The following ARL14EPL variants were observed in gnomAD, a reference collection of about 807,000 sequenced individuals.
The protein encoded by ARL14EPL is ARF like GTPase 14 effector protein like.
In ARL14EPL, 17 loss-of-function variants were observed where a neutral mutation model predicts 15.9. The observed-to-expected ratio is 1.07, with a 90% confidence interval of 0.73 to 1.60. The LOEUF (loss-of-function observed/expected upper bound fraction) is 1.60. ARL14EPL is among the 40% of genes most tolerant of loss of function. The pLI is 0.00. For synonymous variants in ARL14EPL, 78 were observed against 63.8 expected (o/e 1.22, Z -1.06); for missense variants, 214 against 185.9 (o/e 1.15, Z -0.88).
intron 1 of ARL14EPL, among the ~76,000 whole-genome samples, chr5:116,041,583 T>C (rs1262183134): frequency 6.6e-6 from 1 of 152,164 alleles, no homozygotes; most frequent in Non-Finnish European, 1.5e-5. Context: ...ATGATGCTCA[T>C]TAGAGTCTAT....
chr5:116,048,824 G>C (rs1442506633), intron 1 of ARL14EPL, among the ~76,000 whole-genome samples: 1 of 152,130 alleles, frequency 6.6e-6, no homozygotes, highest in African/African-American at 2.4e-5. Context: ...TATTGGCAGA[G>C]AGGAGTCATT....
intron 3 of ARL14EPL, among the ~76,000 whole-genome samples, chr5:116,056,118 G>A (rs2112682242): frequency 6.6e-6 from 1 of 152,098 alleles, no homozygotes; most frequent in East Asian, 1.9e-4. Flanking sequence ...ACATGTGCAT[G>A]TGTCTTTATA....
chr5:116,054,833 A>T (rs935089843), intron 3 of ARL14EPL, among the ~76,000 whole-genome samples: 4 of 151,818 alleles, frequency 2.6e-5, no homozygotes, highest in East Asian at 1.9e-4. Context: ...TCCATCTCAA[A>T]AAATAAATAA....
chr5:116,053,217 T>C (rs1268569005), intron 2 of ARL14EPL, among the ~76,000 whole-genome samples: 3 of 151,984 alleles, frequency 2.0e-5, no homozygotes, highest in South Asian at 2.1e-4. Flanking sequence ...CCAAGCATGG[T>C]GGTGCGTGCC....
At chr5:116,033,737 T>C (rs1354067376) in intron 1 of ARL14EPL, among the ~76,000 whole-genome samples, 3 of 152,200 alleles carry the variant, frequency 2.0e-5, no homozygotes, top group Non-Finnish European at 4.4e-5. Context: ...TAGTACAAAC[T>C]CTTTCTACCC....
At chr5:116,047,260 C>T (rs998453651) in intron 1 of ARL14EPL, among the ~76,000 whole-genome samples, 6 of 152,154 alleles carry the variant, frequency 3.9e-5, no homozygotes, top group African/African-American at 1.2e-4. Flanking sequence ...TTGAGTGTTG[C>T]GTTTCTGAAG....
chr5:116,050,460 C>T (rs1749348479), intron 1 of ARL14EPL, among the ~76,000 whole-genome samples: 2 of 152,178 alleles, frequency 1.3e-5, no homozygotes, highest in African/African-American at 4.8e-5. Flanking sequence ...TTCCTTGGTG[C>T]ATACTTACAC....
At chr5:116,034,920 G>C (rs1335490148) in intron 1 of ARL14EPL, among the ~76,000 whole-genome samples, 4 of 152,164 alleles carry the variant, frequency 2.6e-5, no homozygotes, top group Non-Finnish European at 5.9e-5. Flanking sequence ...CTCAAAACGG[G>C]GGAATAATGG....
chr5:116,048,030 G>A (rs1430038301), intron 1 of ARL14EPL, among the ~76,000 whole-genome samples: 1 of 152,188 alleles, frequency 6.6e-6, no homozygotes, highest in Non-Finnish European at 1.5e-5. Flanking sequence ...TAATGAAGCG[G>A]TTGATTTCTA....
chr5:116,035,592 C>A (rs1347392351), intron 1 of ARL14EPL, among the ~76,000 whole-genome samples: 1 of 152,144 alleles, frequency 6.6e-6, no homozygotes, highest in Admixed American at 6.5e-5. Flanking sequence ...AAACAGCTAG[C>A]ACTTCTAGGG....
intron 1 of ARL14EPL, among the ~76,000 whole-genome samples, chr5:116,033,088 C>A (rs1347727220): frequency 1.3e-5 from 2 of 152,124 alleles, no homozygotes; most frequent in African/African-American, 4.8e-5. Flanking sequence ...TGTGAGCCCC[C>A]ACACCCGGCC....
At chr5:116,052,958 C>G (rs1257568689) in intron 2 of ARL14EPL, among the ~76,000 whole-genome samples, 1 of 152,162 alleles carries the variant, frequency 6.6e-6, no homozygotes, top group East Asian at 1.9e-4. Flanking sequence ...TACATGTTCA[C>G]AATAAGTTAT....
intron 1 of ARL14EPL, among the ~76,000 whole-genome samples, chr5:116,040,896 G>A (rs867248026): frequency 1.3e-4 from 19 of 147,364 alleles, no homozygotes; most frequent in Admixed American, 6.8e-4. Flanking sequence ...CAGGAGAATC[G>A]CATGAACCCA....
intron 1 of ARL14EPL, 120 bp from the exon 2 acceptor site, chr5:116,051,337 A>G: frequency 1.5e-6 from 1 of 672,822 alleles, no homozygotes. Context: ...CTGGGAGTAC[A>G]GATACAGTCT....
chr5:116,059,317 T>A lies in ARL14EPL; in HGVS notation c.*370T>A. ...TTGAGAGCTTTTCTTACATAGAACATAGAATCTTAAATTTATAATATCTAG... is the reference window on the plus strand; with the variant it reads ...TTGAGAGCTTTTCTTACATAGAACAAAGAATCTTAAATTTATAATATCTAG... On this transcript the variant is annotated 3_prime_UTR_variant, in exon 4 of 4. Coordinates refer to ENST00000686077, the MANE Select transcript of ARL14EPL (RefSeq NM_001195581.2). 4.9e-6 allele frequency: 1 copy of A among 205,746 alleles called. No homozygotes were observed. The highest frequency in any genetic ancestry group is 8.7e-5 in the South Asian group (1 of 11,498). The allele number at this position is 205,746 out of a possible 1,614,324, so 12.7% of individuals were successfully genotyped here.
chr5:116,041,411 C>T (rs78691469), intron 1 of ARL14EPL, among the ~76,000 whole-genome samples: 11,446 of 152,170 alleles, frequency 0.075, 552 homozygotes, highest in Admixed American at 0.12. Flanking sequence ...TAGTTTTATC[C>T]TATTTTTTTG....
intron 1 of ARL14EPL, among the ~76,000 whole-genome samples, chr5:116,038,811 G>A (rs1221733823): frequency 2.6e-5 from 4 of 152,100 alleles, no homozygotes; most frequent in Admixed American, 6.5e-5. Flanking sequence ...ACAAAATTTG[G>A]ACCCAGTTGT....
intron 1 of ARL14EPL, among the ~76,000 whole-genome samples, chr5:116,045,585 T>A (rs1231351986): frequency 1.3e-5 from 2 of 152,154 alleles, no homozygotes; most frequent in Non-Finnish European, 2.9e-5. Context: ...AGGGAGTTGG[T>A]TTTAAAGTGA....
chr5:116,033,876 G>C lies in ARL14EPL; in HGVS notation c.-10+1371G>C, dbSNP rs145868447. 7.4e-3 allele frequency among the ~76,000 whole-genome samples: 1,126 copies of C among 152,272 alleles called. 17 individuals are homozygous for C. Among genetic ancestry groups the C allele is most frequent in the African/African-American group, 0.025 (1,057 of 41,538 alleles). ...GGGAATAGTGTGTATGTGAACACTT[G>C]CCTGTCCTCAGCTGAACTGCGCTTT... is the stretch of plus-strand genomic sequence containing the variant. On this transcript the variant is annotated intron_variant, in intron 1 of 3. Coordinates refer to ENST00000686077, the MANE Select transcript of ARL14EPL (RefSeq NM_001195581.2).
Sources: gnomAD v4.1 joint callset for allele counts (sites outside exome capture counted in the v4.1 genomes callset) on GRCh38, gnomAD v4.1.1 for gene constraint, MANE v1.5 for transcripts, NCBI Gene and HGNC (gene_info 2026-07-23, HGNC 2026-07-21) for gene names.